CTNNA3: variants seen among roughly 807,000 people sequenced by gnomAD.
The protein encoded by CTNNA3 is catenin alpha 3.
CTNNA3 carries 76 observed loss-of-function variants against 95.7 expected under a neutral mutation model. The observed-to-expected ratio is 0.79, with a 90% CI of 0.66 to 0.96. CTNNA3 has a LOEUF of 0.96. Among genes scored for constraint, CTNNA3 ranks in the 40% least tolerant of loss-of-function variants. The probability of loss-of-function intolerance (pLI) is 0.00; values close to 1 mark genes in which losing one functional copy is unlikely to be tolerated. For synonymous variants in CTNNA3, 431 were observed against 374.4 expected, an observed-to-expected ratio of 1.15 and a Z score of -1.74; for missense variants, 1,191 against 1,089.8, an observed-to-expected ratio of 1.09 and a Z score of -1.31.
At chr10:67,496,177 A>C (rs1839016322) in intron 5 of CTNNA3, among the ~76,000 whole-genome samples, 1 of 152,068 alleles carries the variant, frequency 6.6e-6, no homozygotes, top group African/African-American at 2.4e-5. Context: ...ATTTTTTACA[A>C]CCCTTCTAAA....
At chr10:65,931,749 A>G (rs772495534) in intron 17 of CTNNA3, among the ~76,000 whole-genome samples, 10 of 152,216 alleles carry the variant, frequency 6.6e-5, no homozygotes, top group Non-Finnish European at 1.2e-4. Flanking sequence ...CTTATAAAAC[A>G]CAAACAATCT....
At position 66,520,746 on chromosome 10, in the gene CTNNA3, C is replaced by T. The variant is rs151007312; in HGVS notation, c.1402G>A (p.Ala468Thr). 104 of 1,612,448 alleles carry T rather than the reference C, an allele frequency of 6.4e-5. No individual in the cohort carries two copies. The highest frequency in any genetic ancestry group is 8.6e-5 in the Non-Finnish European group (101 of 1,179,252). ...TTGACCGCTTGACTTTTGGGTCTTGCAGCCAAAGCAAGTGCAGCATTAATA... is the reference window on the plus strand; with the variant it reads ...TTGACCGCTTGACTTTTGGGTCTTGTAGCCAAAGCAAGTGCAGCATTAATA... ...QIINAALALA[A>T]RPKSQAVKNT... The change falls in exon 11 of 18, where the codon GCA becomes ACA. Residue 468 changes from alanine (A) to threonine (T), a missense_variant. Ala to Thr is a moderately conservative substitution (Grantham distance 58). Coordinates refer to ENST00000433211, the MANE Select transcript of CTNNA3 (RefSeq NM_013266.4).
At chr10:66,706,357 CT>C (rs68017483) in intron 9 of CTNNA3, among the ~76,000 whole-genome samples, 498 of 144,122 alleles carry the variant, frequency 3.5e-3, no homozygotes, top group Middle Eastern at 7.4e-3. Flanking sequence ...GATAGCTTAT[CT>C]TTTTTTTTTT....
chr10:66,284,289 T>A (rs191469152), intron 12 of CTNNA3, among the ~76,000 whole-genome samples: 1 of 152,024 alleles, frequency 6.6e-6, no homozygotes, highest in East Asian at 1.9e-4. Context: ...TGTCTCATAA[T>A]CCTCACGGAA....
chr10:66,030,324 G>A (rs192597594), intron 15 of CTNNA3, among the ~76,000 whole-genome samples: 32 of 152,122 alleles, frequency 2.1e-4, no homozygotes, highest in African/African-American at 6.3e-4. Context: ...TATACTACAA[G>A]GCTACAGTAA....
intron 9 of CTNNA3, among the ~76,000 whole-genome samples, chr10:66,638,753 TG>T (rs1845419093): frequency 6.6e-6 from 1 of 151,384 alleles, no homozygotes; most frequent in Non-Finnish European, 1.5e-5. Context: ...CTACCTTTGT[TG>T]ATTTCTGGGC....
intron 7 of CTNNA3, among the ~76,000 whole-genome samples, chr10:66,986,931 T>C (rs1357427615): frequency 6.6e-6 from 1 of 152,158 alleles, no homozygotes; most frequent in Non-Finnish European, 1.5e-5. Flanking sequence ...ATGAAGTTTA[T>C]ATTTGAATAA....
At chr10:65,922,067 C>A (rs2077094933) in intron 17 of CTNNA3, among the ~76,000 whole-genome samples, 1 of 152,090 alleles carries the variant, frequency 6.6e-6, no homozygotes, top group South Asian at 2.1e-4. Flanking sequence ...CTCAAAGTAA[C>A]ACAGATATTA....
chr10:67,371,459 A>T (rs1295825162), intron 5 of CTNNA3, among the ~76,000 whole-genome samples: 2 of 142,682 alleles, frequency 1.4e-5, no homozygotes, highest in East Asian at 2.1e-4. Flanking sequence ...AATTCCCACC[A>T]ATGAGTGAGA....
chr10:66,614,857 G>C (rs976589171), intron 10 of CTNNA3, among the ~76,000 whole-genome samples: 1 of 151,908 alleles, frequency 6.6e-6, no homozygotes, highest in African/African-American at 2.4e-5. Flanking sequence ...TAAGTACTTA[G>C]GAGGGTTTGC....
At chr10:67,522,125 CAGAA>C (rs1293876157) in intron 4 of CTNNA3, among the ~76,000 whole-genome samples, 164 bp from the exon 5 acceptor site, 2 of 152,070 alleles carry the variant, frequency 1.3e-5, no homozygotes, top group African/African-American at 2.4e-5. Context: ...ATTAGGGACA[CAGAA>C]AGAGTTATAA....
At chr10:66,396,617 A>C (rs1423231395) in intron 11 of CTNNA3, among the ~76,000 whole-genome samples, 1 of 152,012 alleles carries the variant, frequency 6.6e-6, no homozygotes, top group Non-Finnish European at 1.5e-5. Flanking sequence ...AATTCATTGG[A>C]ATAGTTATTA....
chr10:66,872,693 A>AATAATAATAATT (rs1460098516), intron 7 of CTNNA3, among the ~76,000 whole-genome samples: 2 of 151,578 alleles, frequency 1.3e-5, no homozygotes, highest in African/African-American at 4.9e-5. Flanking sequence ...TAATAATAAT[A>AATAATAATAATT]ATTTCAACTT....
At chr10:66,340,545 CCTATA>C (rs1024521375) in intron 12 of CTNNA3, among the ~76,000 whole-genome samples, 2 of 151,628 alleles carry the variant, frequency 1.3e-5, no homozygotes, top group African/African-American at 4.8e-5. Flanking sequence ...CAGGAAGGAG[CCTATA>C]CTATTTACAT....
At chr10:67,719,868 T>C (rs1841167593) in intron 1 of CTNNA3, among the ~76,000 whole-genome samples, 1 of 152,116 alleles carries the variant, frequency 6.6e-6, no homozygotes, top group Admixed American at 6.6e-5. Context: ...TAATTTTCTG[T>C]CTCGTTGATC....
chr10:66,460,897 T>C (rs1309384673), intron 11 of CTNNA3, among the ~76,000 whole-genome samples: 2 of 152,202 alleles, frequency 1.3e-5, no homozygotes, highest in Non-Finnish European at 2.9e-5. Context: ...AGGCTTGTTT[T>C]AGACTACTGT....
At chr10:66,063,209 T>TAGATATAG (rs996203860) in intron 15 of CTNNA3, among the ~76,000 whole-genome samples, 1 of 121,750 alleles carries the variant, frequency 8.2e-6, no homozygotes, top group African/African-American at 3.1e-5. Context: ...TATATATATA[T>TAGATATAG]ATATAGATAT....
chr10:66,617,723 GGAGA>G (rs1463216675), intron 10 of CTNNA3, among the ~76,000 whole-genome samples: 1 of 152,044 alleles, frequency 6.6e-6, no homozygotes, highest in East Asian at 1.9e-4. Flanking sequence ...CAATTAGGCA[GGAGA>G]AAGAAATAAA....
intron 13 of CTNNA3, among the ~76,000 whole-genome samples, chr10:66,152,888 T>C (rs2084277010): frequency 6.6e-6 from 1 of 151,900 alleles, no homozygotes; most frequent in Admixed American, 6.6e-5. Flanking sequence ...ATCGTTCAGT[T>C]TGAGTTTTAA....
Sources: allele counts gnomAD v4.1 joint callset (sites outside exome capture counted in the v4.1 genomes callset), GRCh38; gene constraint gnomAD v4.1.1; transcripts MANE v1.5; gene names NCBI Gene and HGNC (gene_info 2026-07-23, HGNC 2026-07-21).